BPNT1: variants seen among roughly 807,000 people sequenced by gnomAD.
BPNT1 encodes 3'(2'), 5'-bisphosphate nucleotidase 1.
A neutral mutation model predicts 36.9 loss-of-function variants in BPNT1; 28 were observed. That is an observed-to-expected ratio of 0.76 (90% CI 0.56 to 1.04). BPNT1 has a LOEUF of 1.04. Among genes scored for constraint, BPNT1 ranks in the 50% least tolerant of loss-of-function variants. The pLI, the probability that BPNT1 is intolerant of heterozygous loss-of-function variation, is 0.00. For missense variants in BPNT1, 313 were observed against 372.9 expected, an observed-to-expected ratio of 0.84 and a Z score of 1.32; for synonymous variants, 119 against 130.9, an observed-to-expected ratio of 0.91 and a Z score of 0.62.
At chr1:220,065,006 C>T (rs1041099856) in intron 6 of BPNT1, among the ~76,000 whole-genome samples, 1 of 152,098 alleles carries the variant, frequency 6.6e-6, no homozygotes, top group Non-Finnish European at 1.5e-5. Context: ...ACAGGGGTTT[C>T]ACCATGTTGG....
intron 7 of BPNT1, among the ~76,000 whole-genome samples, chr1:220,061,261 C>T (rs989107971): frequency 1.3e-5 from 2 of 152,188 alleles, no homozygotes; most frequent in Admixed American, 1.3e-4. Context: ...GAGATCACTG[C>T]TAGAACTTGC....
At chr1:220,078,187 T>TAA (rs756467379) in intron 2 of BPNT1, among the ~76,000 whole-genome samples, 6 of 116,838 alleles carry the variant, frequency 5.1e-5, no homozygotes, top group Non-Finnish European at 7.2e-5. Flanking sequence ...CTTGTCTCTT[T>TAA]AAAAAAAAAA....
At chr1:220,075,270 C>T (rs914533868) in intron 2 of BPNT1, among the ~76,000 whole-genome samples, 1 of 152,126 alleles carries the variant, frequency 6.6e-6, no homozygotes, top group African/African-American at 2.4e-5. Context: ...TCTCAAACTC[C>T]TGACCTCATG....
chr1:220,077,030 C>T (rs1157048826), intron 2 of BPNT1, among the ~76,000 whole-genome samples: 1 of 152,146 alleles, frequency 6.6e-6, no homozygotes, highest in Non-Finnish European at 1.5e-5. Flanking sequence ...TCCACTTCAG[C>T]TAACACATTC....
chr1:220,070,519 G>A (rs367973201), intron 4 of BPNT1, among the ~76,000 whole-genome samples: 4 of 151,610 alleles, frequency 2.6e-5, no homozygotes, highest in African/African-American at 4.8e-5. Context: ...CTAATTTTTT[G>A]TATTTTTAGT....
At chr1:220,082,085 T>TATATATATATAG (rs1171093697) in intron 1 of BPNT1, among the ~76,000 whole-genome samples, 3 of 103,296 alleles carry the variant, frequency 2.9e-5, no homozygotes, top group African/African-American at 1.1e-4. Context: ...TATATATATA[T>TATATATATATAG]AGAGAGAGAG....
chr1:220,082,543 T>C (rs1035174661), intron 1 of BPNT1, among the ~76,000 whole-genome samples: 1 of 152,022 alleles, frequency 6.6e-6, no homozygotes, highest in African/African-American at 2.4e-5. Flanking sequence ...ACCATGACTT[T>C]CTGACTGAAT....
intron 1 of BPNT1, among the ~76,000 whole-genome samples, chr1:220,081,538 G>A (rs999677209): frequency 1.1e-4 from 17 of 150,772 alleles, no homozygotes; most frequent in South Asian, 4.2e-4. Flanking sequence ...GCGAGAGTCC[G>A]TCTCAAAAAA....
intron 1 of BPNT1, among the ~76,000 whole-genome samples, chr1:220,082,494 G>T (rs1020417434): frequency 1.3e-5 from 2 of 151,842 alleles, no homozygotes. Context: ...GGACTATAGA[G>T]AACATTATAA....
intron 4 of BPNT1, 32 bp downstream of exon 4, chr1:220,072,818 A>C (rs2102694262): frequency 6.5e-7 from 1 of 1,545,862 alleles, no homozygotes. Flanking sequence ...AGCCCAGGTT[A>C]ATAGAGAGTT....
At chr1:220,076,001 TGATG>T (rs752811961) in intron 2 of BPNT1, among the ~76,000 whole-genome samples, 10 of 152,286 alleles carry the variant, frequency 6.6e-5, no homozygotes, top group Non-Finnish European at 1.3e-4. Flanking sequence ...AATGGTGGCA[TGATG>T]GATGATTTTT....
chr1:220,069,289 G>T, intron 5 of BPNT1, 95 bp downstream of exon 5: 1 of 972,204 alleles, frequency 1.0e-6, no homozygotes, highest in Non-Finnish European at 1.5e-6. Context: ...CATGATAGTA[G>T]CTTTCCATAC....
At chr1:220,073,661 A>G (rs1664284294) in intron 3 of BPNT1, among the ~76,000 whole-genome samples, 1 of 150,054 alleles carries the variant, frequency 6.7e-6, no homozygotes, top group South Asian at 2.1e-4. Context: ...TTAAAAACAA[A>G]CAACAACGAA....
intron 4 of BPNT1, 115 bp from the exon 5 acceptor site, chr1:220,069,547 GGCT>G: frequency 1.5e-6 from 1 of 687,974 alleles, no homozygotes; most frequent in Non-Finnish European, 2.4e-6. Flanking sequence ...TATTATGGAT[GGCT>G]TAAATTAATG....
Position 220,079,710 on chromosome 1 carries a change from T to C in BPNT1, c.120+17A>G. The C allele has an allele frequency of 1.2e-6, 2 of 1,613,706 alleles. No homozygotes were observed. Among genetic ancestry groups the C allele is most frequent in the South Asian group, 1.1e-5 (1 of 90,954 alleles). On this transcript the variant is annotated intron_variant, in intron 2 of 8. Transcript: ENST00000322067. ...CAAAAATCAAGTTGGTATGAAATGA[T>C]ATGAGAGTTTGAGTACCTTCTCCAC...
At chr1:220,066,098 A>G in intron 6 of BPNT1, 1 of 1,524,382 alleles carries the variant, frequency 6.6e-7, no homozygotes, top group Non-Finnish European at 8.8e-7. Context: ...GTGTTCCCTT[A>G]ACTGCTGTTT....
intron 6 of BPNT1, 28 bp downstream of exon 6, chr1:220,067,274 A>T (rs750780599): frequency 7.1e-7 from 1 of 1,415,232 alleles, no homozygotes; most frequent in Non-Finnish European, 9.7e-7. Context: ...TATCTAATGA[A>T]ATTACTTTGT....
At chr1:220,083,321 C>T (rs1335307720) in intron 1 of BPNT1, among the ~76,000 whole-genome samples, 1 of 150,528 alleles carries the variant, frequency 6.6e-6, no homozygotes, top group Non-Finnish European at 1.5e-5. Flanking sequence ...GAAAATTAAA[C>T]GGGTTTCTCT....
chr1:220,068,128 A>C (rs775129090), intron 5 of BPNT1, among the ~76,000 whole-genome samples: 16 of 152,216 alleles, frequency 1.1e-4, no homozygotes, highest in Non-Finnish European at 1.5e-4. Context: ...GAGAGCCAAT[A>C]CAAGAAAATT....
Sources: gnomAD v4.1 joint callset for allele counts (sites outside exome capture counted in the v4.1 genomes callset) on GRCh38, gnomAD v4.1.1 for gene constraint, MANE v1.5 for transcripts, NCBI Gene and HGNC (gene_info 2026-07-23, HGNC 2026-07-21) for gene names.